Variants in CAMKMT observed in about 807,000 individuals in gnomAD.
CAMKMT encodes the protein CaM KMT.
In CAMKMT, 53 loss-of-function variants were observed where a neutral mutation model predicts 48.0. That is an observed-to-expected ratio of 1.10 (90% CI 0.89 to 1.39). The LOEUF (loss-of-function observed/expected upper bound fraction) is 1.39. CAMKMT is among the 40% of genes most tolerant of loss of function. The pLI is 0.00. For missense variants in CAMKMT, 428 were observed against 402.7 expected, an observed-to-expected ratio of 1.06 and a Z score of -0.54; for synonymous variants, 165 against 152.3, an observed-to-expected ratio of 1.08 and a Z score of -0.61.
chr2:44,394,834 G>A (rs1342578292), intron 3 of CAMKMT: 1 of 454,024 alleles, frequency 2.2e-6, no homozygotes, highest in East Asian at 6.9e-5. Context: ...CTCTTTTGGG[G>A]TGGTAATCAG....
chr2:44,395,117 A>G (rs1067342), intron 3 of CAMKMT: 20 of 369,790 alleles, frequency 5.4e-5, no homozygotes, highest in African/African-American at 4.3e-4. Flanking sequence ...TATGGTCTAA[A>G]TTTTTAGTTT....
At chr2:44,463,594 G>T (rs1468544143) in intron 3 of CAMKMT, among the ~76,000 whole-genome samples, 3 of 152,200 alleles carry the variant, frequency 2.0e-5, no homozygotes, top group Non-Finnish European at 4.4e-5. Flanking sequence ...GACTCAGAGT[G>T]CTAGCTGAAC....
intron 3 of CAMKMT, among the ~76,000 whole-genome samples, chr2:44,463,484 A>T (rs1236281350): frequency 6.6e-6 from 1 of 152,160 alleles, no homozygotes; most frequent in African/African-American, 2.4e-5. Flanking sequence ...GAAAACAGAA[A>T]AGTGAAATGT....
chr2:44,603,111 C>T (rs1671093470), intron 3 of CAMKMT, among the ~76,000 whole-genome samples: 1 of 151,978 alleles, frequency 6.6e-6, no homozygotes, highest in Non-Finnish European at 1.5e-5. Flanking sequence ...TTTTTTGAGA[C>T]AGAGACTTGC....
At chr2:44,480,645 CT>C (rs1668919259) in intron 3 of CAMKMT, among the ~76,000 whole-genome samples, 1 of 152,040 alleles carries the variant, frequency 6.6e-6, no homozygotes, top group African/African-American at 2.4e-5. Context: ...AGACTAGATT[CT>C]TTTTATTTAT....
Position 44,647,091 on chromosome 2 carries a change from G to T in CAMKMT, c.377-57192G>T, listed in dbSNP as rs548252601. On this transcript the variant is annotated intron_variant, in intron 3 of 10. Transcript: ENST00000378494. ...AGGCGGGCAGAACACGAGGTCAGGA[G>T]ATCAAGACCATCCTGGCTAACATGG... Among the ~76,000 whole-genome samples, 5 of 152,274 alleles carry T rather than the reference G, an allele frequency of 3.3e-5. No homozygotes were observed. In the East Asian group the frequency reaches 9.7e-4, roughly 29 times the overall value.
chr2:44,766,389 T>C, intron 9 of CAMKMT, 41 bp from the exon 10 acceptor site: 1 of 1,611,732 alleles, frequency 6.2e-7, no homozygotes, highest in South Asian at 1.1e-5. Flanking sequence ...TTGGTTACCT[T>C]CCAGTTTTAA....
chr2:44,545,602 T>C (rs903188734), intron 3 of CAMKMT, among the ~76,000 whole-genome samples: 3 of 151,470 alleles, frequency 2.0e-5, no homozygotes, highest in Admixed American at 6.6e-5. Flanking sequence ...TACAGGGAGG[T>C]TGTGACTTGT....
intron 3 of CAMKMT, among the ~76,000 whole-genome samples, chr2:44,459,275 C>T (rs571498617): frequency 1.3e-5 from 2 of 152,076 alleles, no homozygotes; most frequent in Non-Finnish European, 2.9e-5. Flanking sequence ...TAAAGATTTA[C>T]AATTAAAGTC....
rs973093989 is a variant in CAMKMT at position 44,766,600 on chromosome 2, C to A, written c.894+39C>A. On this transcript the variant is annotated intron_variant, in intron 10 of 10. Coordinates refer to ENST00000378494, the MANE Select transcript of CAMKMT (RefSeq NM_024766.5). ...TTGTGTTAGATAACACTTTAATCCGCATTGCATTTTGAAGAGATCATGGTC... is the reference window on the plus strand; with the variant it reads ...TTGTGTTAGATAACACTTTAATCCGAATTGCATTTTGAAGAGATCATGGTC... 2.5e-6 allele frequency: 4 copies of A among 1,607,130 alleles called. No individual in the cohort carries two copies. In the Admixed American group the frequency reaches 5.1e-5, roughly 20 times the overall value.
At chr2:44,406,005 A>G (rs1021860746) in intron 3 of CAMKMT, among the ~76,000 whole-genome samples, 2 of 152,146 alleles carry the variant, frequency 1.3e-5, no homozygotes, top group African/African-American at 2.4e-5. Context: ...AAGATGTCCC[A>G]TTTTCAACAG....
chr2:44,380,219 A>G (rs1680101182), intron 2 of CAMKMT, among the ~76,000 whole-genome samples: 1 of 152,150 alleles, frequency 6.6e-6, no homozygotes, highest in African/African-American at 2.4e-5. Context: ...CAGTTCTAGG[A>G]TAGCTTTAGG....
chr2:44,502,308 C>G (rs1021479828), intron 3 of CAMKMT, among the ~76,000 whole-genome samples: 4 of 152,066 alleles, frequency 2.6e-5, no homozygotes, highest in African/African-American at 9.7e-5. Flanking sequence ...TCCCCTAAAC[C>G]CTGCCCTGTG....
intron 3 of CAMKMT, among the ~76,000 whole-genome samples, chr2:44,640,709 C>T (rs1001683601): frequency 6.6e-5 from 10 of 152,236 alleles, no homozygotes; most frequent in Non-Finnish European, 1.5e-4. Flanking sequence ...ATAATAATGT[C>T]GTTATTCAAC....
intron 3 of CAMKMT, among the ~76,000 whole-genome samples, chr2:44,430,060 A>G (rs191024740): frequency 1.3e-5 from 2 of 152,146 alleles, no homozygotes; most frequent in Non-Finnish European, 2.9e-5. Context: ...ACTTCTTGAT[A>G]CTTTCAATGG....
chr2:44,553,674 T>C (rs1025818362), intron 3 of CAMKMT, among the ~76,000 whole-genome samples: 7 of 152,194 alleles, frequency 4.6e-5, no homozygotes, highest in Admixed American at 2.0e-4. Context: ...TTTTTGTTGT[T>C]GTTGTTAGAA....
intron 3 of CAMKMT, among the ~76,000 whole-genome samples, chr2:44,519,578 C>T (rs1372320057): frequency 1.3e-5 from 2 of 152,068 alleles, no homozygotes; most frequent in Non-Finnish European, 2.9e-5. Flanking sequence ...TAAACATAAG[C>T]CTTGAGTGAC....
intron 3 of CAMKMT, among the ~76,000 whole-genome samples, chr2:44,627,319 A>G (rs1672537394): frequency 6.6e-6 from 1 of 152,146 alleles, no homozygotes; most frequent in Non-Finnish European, 1.5e-5. Context: ...CTATGTTCAT[A>G]CTAGTTACAG....
chr2:44,617,626 C>T (rs950901439), intron 3 of CAMKMT, among the ~76,000 whole-genome samples: 5 of 152,190 alleles, frequency 3.3e-5, no homozygotes, highest in African/African-American at 9.6e-5. Flanking sequence ...TTATACTGCA[C>T]GATGGGCTCA....
Sources: gnomAD v4.1 joint callset for allele counts (sites outside exome capture counted in the v4.1 genomes callset) on GRCh38, gnomAD v4.1.1 for gene constraint, MANE v1.5 for transcripts, NCBI Gene and HGNC (gene_info 2026-07-23, HGNC 2026-07-21) for gene names.